The following RC3H2 variants were observed in gnomAD, a reference collection of about 807,000 sequenced individuals.
The protein encoded by RC3H2 is roquin-2.
In RC3H2, 31 loss-of-function variants were observed where a neutral mutation model predicts 133.3. That is an observed-to-expected ratio of 0.23 (90% CI 0.17 to 0.31). RC3H2 has a LOEUF of 0.31. Ranked by LOEUF, RC3H2 falls within the 10% of genes least tolerant of loss-of-function variation. The pLI is 1.00. For synonymous variants in RC3H2, 517 were observed against 502.2 expected (o/e 1.03, Z -0.40); for missense variants, 1,175 against 1,437.2 (o/e 0.82, Z 2.95).
intron 9 of RC3H2, among the ~76,000 whole-genome samples, chr9:122,866,670 G>A (rs1002491322): frequency 6.6e-6 from 1 of 152,126 alleles, no homozygotes; most frequent in Non-Finnish European, 1.5e-5. Context: ...GCCTCCGGAG[G>A]TGCCGGGATT....
intron 9 of RC3H2, among the ~76,000 whole-genome samples, chr9:122,868,744 A>C (rs1157557822): frequency 6.9e-6 from 1 of 144,762 alleles, no homozygotes; most frequent in African/African-American, 2.5e-5. Context: ...TCAATAAAAA[A>C]TAAATAAATA....
At chr9:122,899,098 T>TGG (rs1832551153) in intron 1 of RC3H2, among the ~76,000 whole-genome samples, 1 of 132,948 alleles carries the variant, frequency 7.5e-6, no homozygotes, top group Non-Finnish European at 1.6e-5. Flanking sequence ...GTGTTTTTTT[T>TGG]TTTTTTTTTT....
At chr9:122,897,775 G>GC in intron 1 of RC3H2, 199 bp from the exon 2 acceptor site, 1 of 394,630 alleles carries the variant, frequency 2.5e-6, no homozygotes, top group Non-Finnish European at 4.6e-6. Flanking sequence ...TACCTTAATA[G>GC]TGTTCCTTTC....
intron 18 of RC3H2, among the ~76,000 whole-genome samples, chr9:122,853,348 C>T: frequency 6.7e-6 from 1 of 148,416 alleles, no homozygotes; most frequent in Non-Finnish European, 1.5e-5. Flanking sequence ...GCCAAATCCC[C>T]CTCTGTGAGA....
At position 122,858,207 on chromosome 9, in the gene RC3H2, G is replaced by T; in HGVS notation, c.2284-114C>A. ...ATTGTTGGGATAAAAAAATACAGCA[G>T]GGAAAGTCACCCTAGTCTATTCTCC... On this transcript the variant is annotated intron_variant, in intron 12 of 20. Coordinates refer to ENST00000357244, the MANE Select transcript of RC3H2 (RefSeq NM_001100588.3). 3 of 957,008 alleles carry T rather than the reference G, an allele frequency of 3.1e-6. No individual in the cohort carries two copies. The South Asian group carries it at 5.1e-5, about 16-fold the overall frequency. The allele number at this position is 957,008 out of a possible 1,614,324, so 59.3% of individuals were successfully genotyped here.
At chr9:122,888,741 G>A (rs1199513435) in intron 4 of RC3H2, among the ~76,000 whole-genome samples, 1 of 152,164 alleles carries the variant, frequency 6.6e-6, no homozygotes, top group Non-Finnish European at 1.5e-5. Context: ...TTACGCATAG[G>A]CATTCAGGTT....
At position 122,847,756 on chromosome 9, in the gene RC3H2, C is replaced by T. The variant is rs1829900298; in HGVS notation, c.*1871G>A. 1 of 151,890 alleles carries T rather than the reference C, an allele frequency of 6.6e-6. No homozygotes were observed. Among genetic ancestry groups the T allele is most frequent in the Non-Finnish European group, 1.5e-5 (1 of 67,930 alleles). 9.4% of individuals were successfully genotyped at this position (151,890 alleles called of 1,614,324 possible). On this transcript the variant is annotated 3_prime_UTR_variant, in exon 21 of 21. Coordinates refer to ENST00000357244, the MANE Select transcript of RC3H2 (RefSeq NM_001100588.3). Reference sequence around the variant, plus strand: ...TAGGGATGGGGAGCACTGGCCATGGCAAAAAAGGTACAGTACTAACCAAAG... The same window carrying T: ...TAGGGATGGGGAGCACTGGCCATGGTAAAAAAGGTACAGTACTAACCAAAG...
rs1830219429 is a variant in RC3H2 at position 122,855,746 on chromosome 9, T to G, written c.2587A>C (p.Asn863His). ...CAAAATCATACCATTAACACAGCAT[T>G]TGAATTAGCAATGACATCTTTGGGC... ...SEPKDVIANS[N>H]AVLMDLDSGD... Residue 863 changes from asparagine to histidine, a missense_variant, in exon 14 of 21, where the codon AAT becomes CAT. Coordinates refer to ENST00000357244, the MANE Select transcript of RC3H2 (RefSeq NM_001100588.3). 6.2e-7 allele frequency: 1 copy of G among 1,612,730 alleles called. No individual in the cohort carries two copies. Among genetic ancestry groups the G allele is most frequent in the African/African-American group, 1.3e-5 (1 of 74,856 alleles).
At position 122,871,387 on chromosome 9, in the gene RC3H2, T is replaced by A. The variant is rs554606130; in HGVS notation, c.1326-5730A>T. ...ATCTCAGCTCACTGCAAGCTCCACC[T>A]CCCAGGTTCACGCCATTCTCCAGCC... On this transcript the variant is annotated intron_variant, in intron 9 of 20. Transcript: ENST00000357244. Among the ~76,000 whole-genome samples, 47 of 151,810 alleles carry A rather than the reference T, an allele frequency of 3.1e-4. No homozygotes were observed. The East Asian group carries it at 9.1e-3, about 29-fold the overall frequency.
Position 122,866,869 on chromosome 9 carries a change from G to A in RC3H2, c.1326-1212C>T, listed in dbSNP as rs975539965. Among the ~76,000 whole-genome samples, 4 of 142,318 alleles carry A rather than the reference G, an allele frequency of 2.8e-5. No homozygotes were observed. The South Asian group carries it at 6.9e-4, about 25-fold the overall frequency. 93.4% of individuals were successfully genotyped at this position (142,318 alleles called of 152,430 possible). On this transcript the variant is annotated intron_variant, in intron 9 of 20. Transcript: ENST00000357244. ...GAGCGTCTCTGCCTGGCCGCCTATC[G>A]TCTGGGACGTGAGGAGCCCCTCTGC... is the stretch of plus-strand genomic sequence containing the variant.
intron 8 of RC3H2, among the ~76,000 whole-genome samples, chr9:122,879,392 T>TA (rs1314414456): frequency 1.5e-4 from 21 of 143,386 alleles, no homozygotes; most frequent in South Asian, 8.8e-4. Context: ...AGACTTTGTC[T>TA]AAAAAAAAAA....
At chr9:122,856,828 G>A (rs969197154) in intron 13 of RC3H2, among the ~76,000 whole-genome samples, 2 of 152,138 alleles carry the variant, frequency 1.3e-5, no homozygotes, top group Non-Finnish European at 2.9e-5. Context: ...TCAGCAGATC[G>A]GAGTCTCAGG....
intron 9 of RC3H2, chr9:122,874,427 C>T (rs1831245280): frequency 6.6e-6 from 1 of 151,998 alleles, no homozygotes; most frequent in East Asian, 1.9e-4. Context: ...ACTGGATTAC[C>T]ATGTGAAACA....
At chr9:122,890,615 T>G (rs1832122630) in intron 3 of RC3H2, 70 bp from the exon 4 acceptor site, 1 of 1,204,606 alleles carries the variant, frequency 8.3e-7, no homozygotes, top group Non-Finnish European at 1.2e-6. Flanking sequence ...TTTCATTATC[T>G]GCATTTAACG....
chr9:122,850,098 TC>T (rs1247468148), intron 20 of RC3H2, among the ~76,000 whole-genome samples: 1 of 152,224 alleles, frequency 6.6e-6, no homozygotes, highest in East Asian at 1.9e-4. Context: ...TGCCTCAGCC[TC>T]CCAAGTAGCT....
chr9:122,904,825 T>C (rs972815377), intron 1 of RC3H2, among the ~76,000 whole-genome samples: 2 of 152,118 alleles, frequency 1.3e-5, no homozygotes, highest in African/African-American at 4.8e-5. Flanking sequence ...GGGCCTTTGC[T>C]TGGGTGGGTT....
intron 9 of RC3H2, among the ~76,000 whole-genome samples, chr9:122,869,297 A>T (rs1009857373): frequency 2.0e-5 from 3 of 152,120 alleles, no homozygotes; most frequent in Non-Finnish European, 4.4e-5. Flanking sequence ...TGCCTAAAGT[A>T]ATGTTATTAA....
In RC3H2 at chr9:122,905,093, G is replaced by A; in HGVS notation, c.-68+17C>T. 1 of 985,326 alleles carries A rather than the reference G, an allele frequency of 1.0e-6. No homozygotes were observed. Among genetic ancestry groups the A allele is most frequent in the Non-Finnish European group, 1.2e-6 (1 of 829,852 alleles). 61.0% of individuals were successfully genotyped at this position (985,326 alleles called of 1,614,324 possible). ...CGGGCTGGGGCCCGAGCCGCATCGTGCCCGCCCCCGCCCTACCTGAGGGGG... is the reference window on the plus strand; with the variant it reads ...CGGGCTGGGGCCCGAGCCGCATCGTACCCGCCCCCGCCCTACCTGAGGGGG... On this transcript the variant is annotated intron_variant, in intron 1 of 20. Coordinates refer to ENST00000357244, the MANE Select transcript of RC3H2 (RefSeq NM_001100588.3).
At chr9:122,859,252 C>CTTTTTTTTTGTTTTTTTTTTTTTTTTTTT (rs1830368093) in intron 11 of RC3H2, 150 bp from the exon 12 acceptor site, 1 of 179,744 alleles carries the variant, frequency 5.6e-6, no homozygotes, top group African/African-American at 4.9e-5. Flanking sequence ...TATACCCTGG[C>CTTTTTTTTTGTTTTTTTTTTTTTTTTTTT]TTTTTTTTTT....
Sources: allele counts gnomAD v4.1 joint callset (sites outside exome capture counted in the v4.1 genomes callset), GRCh38; gene constraint gnomAD v4.1.1; transcripts MANE v1.5; gene names NCBI Gene and HGNC (gene_info 2026-07-23, HGNC 2026-07-21).